The following NRG4 variants were observed in gnomAD, a reference collection of about 807,000 sequenced individuals.
NRG4 encodes pro-neuregulin-4, membrane-bound isoform.
In NRG4, 10 loss-of-function variants were observed where a neutral mutation model predicts 15.0. The ratio of observed to expected loss-of-function variants is 0.67; its 90% CI spans 0.41 to 1.13. The LOEUF (loss-of-function observed/expected upper bound fraction) is 1.13. Among genes scored for constraint, NRG4 ranks in the 50% most tolerant of loss-of-function variants. The probability of loss-of-function intolerance (pLI) is 0.00; values close to 1 mark genes in which losing one functional copy is unlikely to be tolerated. For missense variants in NRG4, 139 were observed against 140.2 expected (o/e 0.99, Z 0.04); for synonymous variants, 41 against 50.1 (o/e 0.82, Z 0.77).
Position 76,052,065 on chromosome 15 carries a change from AC to A in NRG4, c.-105+1del, listed in dbSNP as rs1181098516. 3.3e-5 allele frequency: 5 copies of A among 151,012 alleles called. No homozygotes were observed. The highest frequency in any genetic ancestry group is 7.4e-5 in the Non-Finnish European group (5 of 67,912). 9.4% of individuals were successfully genotyped at this position (151,012 alleles called of 1,614,324 possible). ...AAAACATTAAAAAGAATGAATACTT[AC>A]CTGATCTGTCCTTGGATGAAAATTT... On this transcript the variant is annotated splice_donor_variant, in intron 4 of 8. Transcript: ENST00000563910. LOFTEE classifies it low-confidence loss of function (5UTR_SPLICE).
chr15:75,947,071 C>T (rs2031572491), intron 5 of NRG4, among the ~76,000 whole-genome samples: 2 of 152,308 alleles, frequency 1.3e-5, no homozygotes, highest in South Asian at 4.1e-4. Context: ...GTGCTGTCAA[C>T]ACAATAAGCC....
At chr15:75,945,091 A>G (rs1371063489) in intron 5 of NRG4, among the ~76,000 whole-genome samples, 1 of 152,022 alleles carries the variant, frequency 6.6e-6, no homozygotes, top group African/African-American at 2.4e-5. Flanking sequence ...TTTTGGGGAA[A>G]ATGCTGTTGA....
chr15:76,033,315 G>A (rs1244060118), intron 5 of NRG4, among the ~76,000 whole-genome samples: 2 of 152,154 alleles, frequency 1.3e-5, no homozygotes, highest in Non-Finnish European at 2.9e-5. Flanking sequence ...TAGCACATTA[G>A]GGGACCAAGG....
At chr15:76,054,517 C>T (rs376196902) in intron 2 of NRG4, among the ~76,000 whole-genome samples, 2 of 152,326 alleles carry the variant, frequency 1.3e-5, no homozygotes, top group South Asian at 2.1e-4. Context: ...CCGGTTCAAG[C>T]GATTCTCTGG....
rs1213804716 is a variant in NRG4 at position 76,042,736 on chromosome 15, G to T, written c.-104-6745C>A. Among the ~76,000 whole-genome samples the T allele has an allele frequency of 3.3e-5, 5 of 152,098 alleles. No individual in the cohort carries two copies. The East Asian group carries it at 9.6e-4, about 29-fold the overall frequency. On this transcript the variant is annotated intron_variant, in intron 4 of 8. Transcript: ENST00000563910. ...TGAATTTTATCAAACATTTAAAAAAGAACTAATACCAATACTACTCAAACT... is the reference window on the plus strand; with the variant it reads ...TGAATTTTATCAAACATTTAAAAAATAACTAATACCAATACTACTCAAACT...
chr15:76,044,080 C>T (rs928897730), intron 4 of NRG4, among the ~76,000 whole-genome samples: 2 of 152,162 alleles, frequency 1.3e-5, no homozygotes, highest in African/African-American at 2.4e-5. Flanking sequence ...TCACTGCAAG[C>T]TCCGCTTCCC....
chr15:76,005,699 AG>A, intron 3 of NRG4: 33 of 324,682 alleles, frequency 1.0e-4, no homozygotes, highest in South Asian at 2.8e-4. Context: ...AAAAAAAAAA[AG>A]GAAAGAAAAG....
intron 5 of NRG4, among the ~76,000 whole-genome samples, chr15:76,019,881 T>A (rs2035099999): frequency 6.6e-6 from 1 of 152,204 alleles, no homozygotes; most frequent in Non-Finnish European, 1.5e-5. Flanking sequence ...ACATATCTCA[T>A]TTTATGCATT....
At chr15:75,982,586 A>G (rs1467221324) in intron 3 of NRG4, among the ~76,000 whole-genome samples, 1 of 152,174 alleles carries the variant, frequency 6.6e-6, no homozygotes, top group Non-Finnish European at 1.5e-5. Flanking sequence ...GTCCAGGAGA[A>G]TGAAGAGATA....
chr15:75,999,023 G>A (rs1952008028), intron 3 of NRG4, among the ~76,000 whole-genome samples: 1 of 152,136 alleles, frequency 6.6e-6, no homozygotes, highest in South Asian at 2.1e-4. Context: ...AATTAGAAGA[G>A]ACTGCTGTGG....
intron 1 of NRG4, among the ~76,000 whole-genome samples, chr15:76,011,774 A>G (rs929651493): frequency 3.3e-5 from 5 of 152,160 alleles, no homozygotes; most frequent in African/African-American, 1.2e-4. Context: ...GGTGCGGCAA[A>G]CCACCATGGC....
chr15:76,045,486 G>T (rs1045549533), intron 4 of NRG4, among the ~76,000 whole-genome samples: 4 of 151,078 alleles, frequency 2.6e-5, no homozygotes, highest in Non-Finnish European at 4.4e-5. Context: ...CATGTTTACT[G>T]CAGCACTATT....
intron 3 of NRG4, among the ~76,000 whole-genome samples, chr15:75,996,416 T>A (rs1453090374): frequency 6.6e-6 from 1 of 152,212 alleles, no homozygotes; most frequent in Non-Finnish European, 1.5e-5. Context: ...TACAAGAGTT[T>A]GAAGCTCAGT....
chr15:76,009,976 T>C lies in NRG4; in HGVS notation c.11-683A>G, dbSNP rs549922377. On this transcript the variant is annotated intron_variant, in intron 2 of 5. Transcript: ENST00000394907. ...AAATAAACCTCTACTTCTCTCTGAC[T>C]TCTTTTCTCTCTTTCCTCTTTCCTC... Among the ~76,000 whole-genome samples, 128 of 152,266 alleles carry C rather than the reference T, an allele frequency of 8.4e-4. 1 individual carries two copies. The highest frequency in any genetic ancestry group is 2.8e-3 in the African/African-American group (118 of 41,570).
chr15:75,964,156 C>T (rs1350780116), intron 3 of NRG4, among the ~76,000 whole-genome samples: 1 of 152,040 alleles, frequency 6.6e-6, no homozygotes, highest in Non-Finnish European at 1.5e-5. Flanking sequence ...CACATAAACA[C>T]ACACACACAC....
At chr15:76,014,260 T>C (rs2034906415), upstream of NRG4, among the ~76,000 whole-genome samples, 2 of 152,220 alleles carry the variant, frequency 1.3e-5, no homozygotes. Context: ...CTCAGATGAA[T>C]AGATTGCAAA....
In NRG4 at chr15:75,952,500, TA is replaced by T. The variant is rs201243131; in HGVS notation, c.331+3431del. Among the ~76,000 whole-genome samples the T allele has an allele frequency of 9.7e-3, 1,472 of 152,274 alleles. 25 individuals are homozygous for T. The highest frequency in any genetic ancestry group is 0.032 in the African/African-American group (1,335 of 41,552). ...ATTTATCAGCTGATGGACATTTGAC[TA>T]ATTTCTACTTTTTGGCTATTATAAA... On this transcript the variant is annotated intron_variant, in intron 5 of 5. Coordinates refer to ENST00000394907, the MANE Select transcript of NRG4 (RefSeq NM_138573.4).
chr15:76,033,901 A>G (rs1312539119), intron 5 of NRG4, among the ~76,000 whole-genome samples: 1 of 152,252 alleles, frequency 6.6e-6, no homozygotes, highest in Non-Finnish European at 1.5e-5. Flanking sequence ...ATAAGTTTTA[A>G]AAATCTAGTA....
At chr15:75,999,166 T>C (rs561686582) in intron 3 of NRG4, among the ~76,000 whole-genome samples, 3 of 152,342 alleles carry the variant, frequency 2.0e-5, no homozygotes, top group Admixed American at 6.5e-5. Context: ...TAAATATTTA[T>C]TGAGTACTTA....
Sources: allele counts gnomAD v4.1 joint callset (sites outside exome capture counted in the v4.1 genomes callset), GRCh38; gene constraint gnomAD v4.1.1; transcripts MANE v1.5; gene names NCBI Gene and HGNC (gene_info 2026-07-23, HGNC 2026-07-21).